AGGF1: variants seen among roughly 807,000 people sequenced by gnomAD.
AGGF1 encodes the protein angiogenic factor with G-patch and FHA domains 1.
Under a neutral mutation model 86.5 loss-of-function variants are expected in AGGF1, and 56 were observed. That is an observed-to-expected ratio of 0.65 (90% CI 0.52 to 0.81). The LOEUF (loss-of-function observed/expected upper bound fraction) is 0.81, where lower values mean the gene tolerates loss of function less well. Among genes scored for constraint, AGGF1 ranks in the 30% least tolerant of loss-of-function variants. The probability of loss-of-function intolerance (pLI) is 0.00; values close to 1 mark genes in which losing one functional copy is unlikely to be tolerated. For synonymous variants in AGGF1, 313 were observed against 297.1 expected (o/e 1.05, Z -0.55); for missense variants, 816 against 850.9 (o/e 0.96, Z 0.51).
At chr5:77,053,623 G>T (rs914322531) in intron 9 of AGGF1, among the ~76,000 whole-genome samples, 1 of 152,122 alleles carries the variant, frequency 6.6e-6, no homozygotes, top group Admixed American at 6.6e-5. Context: ...GAGATGTGAT[G>T]CATTTATCCC....
chr5:77,048,383 G>T, intron 7 of AGGF1, 111 bp downstream of exon 7: 2 of 900,378 alleles, frequency 2.2e-6, no homozygotes, highest in Non-Finnish European at 3.4e-6. Context: ...ACAGAGTTGT[G>T]CTCTGTTGTC....
rs1435184889 is a variant in AGGF1, at chr5:77,064,757, T to C, written c.*1505T>C. ...AAAAGTATTAGTCTAAATGTGGTTC[T>C]GGTGCTGGTGCCCTGTATATATGTA... On this transcript the variant is annotated 3_prime_UTR_variant, in exon 14 of 14. Transcript: ENST00000312916. The C allele has an allele frequency of 6.6e-6, 1 of 152,272 alleles. No individual in the cohort carries two copies. Among genetic ancestry groups the C allele is most frequent in the Admixed American group, 6.5e-5 (1 of 15,290 alleles). The allele number at this position is 152,272 out of a possible 1,614,324, so 9.4% of individuals were successfully genotyped here. A position where few individuals can be genotyped will look rare whatever the true frequency, so the allele number is the denominator to read the frequency against.
chr5:77,061,375 G>A (rs985394281), intron 12 of AGGF1, among the ~76,000 whole-genome samples: 1 of 152,074 alleles, frequency 6.6e-6, no homozygotes, highest in Admixed American at 6.6e-5. Context: ...TGTTAGGTAT[G>A]GTTTATTTTT....
chr5:77,056,226 C>CTTT lies in AGGF1; in HGVS notation c.1716+648_1716+650dup, dbSNP rs770417117. Among the ~76,000 whole-genome samples, 648 of 104,446 alleles carry CTTT rather than the reference C, an allele frequency of 6.2e-3. 20 individuals carry two copies. Among genetic ancestry groups the CTTT allele is most frequent in the African/African-American group, 0.018 (503 of 27,504 alleles). 68.5% of individuals were successfully genotyped at this position (104,446 alleles called of 152,430 possible). ...GGCAGTTTGGTGGAGAAAGAGTGGTCTTTTTTTTTTTTTTTTTTTTGAGAC... is the reference window on the plus strand; with the variant it reads ...GGCAGTTTGGTGGAGAAAGAGTGGTCTTTTTTTTTTTTTTTTTTTTTTTGAGAC... On this transcript the variant is annotated intron_variant, in intron 11 of 13. Coordinates refer to ENST00000312916, the MANE Select transcript of AGGF1 (RefSeq NM_018046.5).
chr5:77,063,064 C>T lies in AGGF1; in HGVS notation c.1957C>T (p.Leu653Phe), dbSNP rs2150736411. 1.2e-6 allele frequency: 2 copies of T among 1,614,048 alleles called. No individual in the cohort carries two copies. Among genetic ancestry groups the T allele is most frequent in the Non-Finnish European group, 1.7e-6 (2 of 1,179,978 alleles). ...GGMKTPIQLQLRRTHAGLGTG... is the reference protein window; with the variant it reads ...GGMKTPIQLQFRRTHAGLGTG... The stretch of plus-strand genomic sequence containing the variant: ...CTTTTGGTAACAGATCCAGCTTCAG[C>T]TTCGGCGAACACATGCAGGCTTGGG... Residue 653 changes from leucine (L) to phenylalanine (F), a missense_variant, in exon 14 of 14, where the codon CTT becomes TTT. Physicochemically the swap from Leu to Phe is conservative, Grantham distance 22. Transcript: ENST00000312916.
At chr5:77,050,872 C>T (rs1747362093) in intron 8 of AGGF1, among the ~76,000 whole-genome samples, 1 of 152,160 alleles carries the variant, frequency 6.6e-6, no homozygotes, top group Non-Finnish European at 1.5e-5. Context: ...TCAGGCAGTT[C>T]ACAGTAAAGG....
At position 77,034,346 on chromosome 5, in the gene AGGF1, G is replaced by T; in HGVS notation, c.211-72G>T. On this transcript the variant is annotated intron_variant, in intron 1 of 13. Coordinates refer to ENST00000312916, the MANE Select transcript of AGGF1 (RefSeq NM_018046.5). ...TTTCTCTAAAACAATTATTTGTAACGGTAGGAGACTGGTATATATATTATT... is the reference window on the plus strand; with the variant it reads ...TTTCTCTAAAACAATTATTTGTAACTGTAGGAGACTGGTATATATATTATT... 6.6e-6 allele frequency: 6 copies of T among 915,628 alleles called. No individual in the cohort carries two copies. Among genetic ancestry groups the T allele is most frequent in the African/African-American group, 3.3e-5 (2 of 61,296 alleles). The allele number at this position is 915,628 out of a possible 1,614,324, so 56.7% of individuals were successfully genotyped here.
intron 9 of AGGF1, among the ~76,000 whole-genome samples, chr5:77,053,249 G>A (rs971887557): frequency 6.6e-5 from 10 of 152,166 alleles, no homozygotes; most frequent in African/African-American, 2.2e-4. Flanking sequence ...GGGCGTGTTG[G>A]TTCTGACGCC....
At chr5:77,031,097 A>G in intron 1 of AGGF1, 121 bp downstream of exon 1, 7 of 1,059,322 alleles carry the variant, frequency 6.6e-6, no homozygotes, top group Non-Finnish European at 9.9e-6. Context: ...CTTAAAGTAA[A>G]TAAGTAGAAG....
intron 11 of AGGF1, among the ~76,000 whole-genome samples, chr5:77,058,182 T>G (rs1747491809): frequency 1.3e-5 from 2 of 152,206 alleles, no homozygotes; most frequent in Non-Finnish European, 2.9e-5. Context: ...ACTAACTATG[T>G]ATGATTTATT....
intron 2 of AGGF1, among the ~76,000 whole-genome samples, chr5:77,035,148 C>G (rs1746939933): frequency 2.0e-5 from 3 of 152,064 alleles, no homozygotes; most frequent in Admixed American, 2.0e-4. Context: ...TAAATCAATC[C>G]CTAATTCCTT....
At chr5:77,037,553 G>A (rs1390206719) in intron 4 of AGGF1, among the ~76,000 whole-genome samples, 3 of 152,176 alleles carry the variant, frequency 2.0e-5, no homozygotes, top group Non-Finnish European at 2.9e-5. Context: ...GGCTGAGGCA[G>A]GTGGATTGCT....
intron 5 of AGGF1, among the ~76,000 whole-genome samples, chr5:77,045,394 A>G (rs1248999637): frequency 2.0e-5 from 3 of 152,234 alleles, no homozygotes; most frequent in African/African-American, 4.8e-5. Flanking sequence ...ACCACTGTAC[A>G]TTGTGTACGT....
chr5:77,053,396 G>T (rs559732605), intron 9 of AGGF1, among the ~76,000 whole-genome samples: 1 of 152,310 alleles, frequency 6.6e-6, no homozygotes, highest in African/African-American at 2.4e-5. Flanking sequence ...GTGTGTGCCT[G>T]TTATCCCAGC....
rs778429449 is a variant in AGGF1, at chr5:77,035,583, A to G, written c.356A>G (p.Asn119Ser). ...QTYYNDVSLPNKVTELSDQQD... is the reference protein window; with the variant it reads ...QTYYNDVSLPSKVTELSDQQD... ...TACTACAATGACGTTAGTCTTCCAA[A>G]TAAAGTGACTGAACTGTCAGATCAA... Residue 119 changes from asparagine to serine, a missense_variant, in exon 3 of 14, where the codon AAT becomes AGT. By Grantham distance (46) the Asn-to-Ser change is conservative. This residue lies in a region of AGGF1 where 240 missense variants were observed against 234.4 expected (regional missense o/e 1.02). Transcript: ENST00000312916. The G allele has an allele frequency of 6.2e-7, 1 of 1,613,532 alleles. No individual in the cohort carries two copies. The highest frequency in any genetic ancestry group is 1.1e-5 in the South Asian group (1 of 91,034).
At chr5:77,045,439 C>T (rs1258010145) in intron 5 of AGGF1, among the ~76,000 whole-genome samples, 1 of 150,526 alleles carries the variant, frequency 6.6e-6, no homozygotes, top group African/African-American at 2.4e-5. Context: ...GATAAAAATA[C>T]ATCATTTTTG....
intron 6 of AGGF1, 120 bp downstream of exon 6, chr5:77,046,797 A>T (rs961621446): frequency 2.0e-6 from 2 of 1,013,386 alleles, no homozygotes; most frequent in South Asian, 1.4e-5. Flanking sequence ...TATTTTAATG[A>T]TGTTATTGAA....
In AGGF1 at chr5:77,061,718, C is replaced by G. The variant is rs974979478; in HGVS notation, c.1860C>G (p.Ser620Arg). 1.2e-6 allele frequency: 2 copies of G among 1,606,054 alleles called. No individual in the cohort carries two copies. The highest frequency in any genetic ancestry group is 2.7e-5 in the African/African-American group (2 of 74,606). Residue 620 changes from serine to arginine, a missense_variant, in exon 13 of 14, where the codon AGC (serine) becomes AGG (arginine). By Grantham distance (110) the Ser-to-Arg change is moderately radical (BLOSUM62 -1). This residue lies in a region of AGGF1 where 565 missense variants were observed against 585.8 expected (regional missense o/e 0.96). Coordinates refer to ENST00000312916, the MANE Select transcript of AGGF1 (RefSeq NM_018046.5). The stretch of plus-strand genomic sequence containing the variant: ...TTCCTTAAAGTGAAATTACTGATAG[C>G]AACAAAGGTCGGAAGATGTTGGAGA... Reference protein sequence around the residue: ...PASVHSEITDSNKGRKMLEKM... With the variant: ...PASVHSEITDRNKGRKMLEKM...
intron 11 of AGGF1, among the ~76,000 whole-genome samples, chr5:77,059,346 CTTTAATA>C (rs1747512703): frequency 6.6e-6 from 1 of 151,946 alleles, no homozygotes; most frequent in Non-Finnish European, 1.5e-5. Context: ...TTTTTTATAA[CTTTAATA>C]TAAATCAAGT....
Sources: allele counts gnomAD v4.1 joint callset (sites outside exome capture counted in the v4.1 genomes callset), GRCh38; gene constraint gnomAD v4.1.1; regional missense constraint gnomAD v4.1.1; transcripts MANE v1.5; gene names NCBI Gene and HGNC (gene_info 2026-07-23, HGNC 2026-07-21).